Variants in TTLL11 observed in about 807,000 individuals in gnomAD.
The protein encoded by TTLL11 is tubulin tyrosine ligase like 11.
A neutral mutation model predicts 51.7 loss-of-function variants in TTLL11; 42 were observed. That is an observed-to-expected ratio of 0.81 (90% confidence interval 0.64 to 1.05). TTLL11 has a LOEUF of 1.05. TTLL11 is among the 50% of genes least tolerant of loss of function. The pLI is 0.00. For synonymous variants in TTLL11, 381 were observed against 383.5 expected, an observed-to-expected ratio of 0.99 and a Z score of 0.08; for missense variants, 799 against 940.4, an observed-to-expected ratio of 0.85 and a Z score of 1.97.
chr9:121,973,260 T>C (rs1453985682), intron 6 of TTLL11, among the ~76,000 whole-genome samples: 1 of 152,194 alleles, frequency 6.6e-6, no homozygotes, highest in African/African-American at 2.4e-5. Context: ...GTAAATATCA[T>C]AGAACTGTCA....
rs61742319 is a variant in TTLL11, at chr9:122,092,932, C to T, written c.217G>A (p.Ala73Thr). The stretch of plus-strand genomic sequence containing the variant: ...AGGACCTGGGTGTTCCCCTCCTCAG[C>T]CGCACTGGGCTGCGCCGGGGCCGGG... ...LAPAPAQPSAAEEGNTQVLQR... is the reference protein window; with the variant it reads ...LAPAPAQPSATEEGNTQVLQR... The change falls in exon 1 of 9, where the codon GCT becomes ACT. Residue 73 changes from alanine to threonine, a missense_variant. Transcript: ENST00000321582. 0.27 allele frequency: 425,494 copies of T among 1,578,282 alleles called. 59,724 individuals carry two copies. Among genetic ancestry groups the T allele is most frequent in the African/African-American group, 0.37 (27,595 of 73,882 alleles).
chr9:121,971,263 T>TGG (rs1170128943), intron 6 of TTLL11, among the ~76,000 whole-genome samples: 2 of 10,694 alleles, frequency 1.9e-4, no homozygotes, highest in Admixed American at 9.2e-4. Context: ...GGGAGGGAGG[T>TGG]GGGGGGGGGG....
At chr9:121,982,939 T>C (rs1420058145) in intron 4 of TTLL11, among the ~76,000 whole-genome samples, 1 of 152,058 alleles carries the variant, frequency 6.6e-6, no homozygotes, top group East Asian at 1.9e-4. Flanking sequence ...AAAAAGCCAT[T>C]GGAGGGTTTC....
chr9:122,003,588 G>T (rs1483114764), intron 3 of TTLL11, among the ~76,000 whole-genome samples: 3 of 148,560 alleles, frequency 2.0e-5, no homozygotes, highest in Non-Finnish European at 4.4e-5. Context: ...AGGTTCAAGC[G>T]ATTCTCCTTC....
At chr9:121,916,969 TTC>T (rs1165889797) in intron 6 of TTLL11, among the ~76,000 whole-genome samples, 2 of 152,152 alleles carry the variant, frequency 1.3e-5, no homozygotes, top group African/African-American at 4.8e-5. Context: ...ACATATTACA[TTC>T]TGTTTAGGTA....
chr9:121,847,207 CAAAAAAAA>C (rs56213031), intron 8 of TTLL11, among the ~76,000 whole-genome samples: 2 of 113,728 alleles, frequency 1.8e-5, no homozygotes, highest in African/African-American at 3.2e-5. Flanking sequence ...GACTCCGTCT[CAAAAAAAA>C]AAAAAAAAAA....
intron 6 of TTLL11, among the ~76,000 whole-genome samples, chr9:121,967,164 T>TGC (rs1295291535): frequency 6.6e-6 from 1 of 151,380 alleles, no homozygotes; most frequent in Non-Finnish European, 1.5e-5. Flanking sequence ...TCTATTGTCT[T>TGC]GCCAGGACAC....
chr9:122,019,216 A>C (rs956055494), intron 3 of TTLL11, among the ~76,000 whole-genome samples: 1 of 152,206 alleles, frequency 6.6e-6, no homozygotes, highest in Non-Finnish European at 1.5e-5. Context: ...TCTTCTGCCT[A>C]GATGAATAGA....
At chr9:122,019,128 A>G (rs1393568278) in intron 3 of TTLL11, among the ~76,000 whole-genome samples, 1 of 152,136 alleles carries the variant, frequency 6.6e-6, no homozygotes, top group Non-Finnish European at 1.5e-5. Context: ...ATTGATGCCA[A>G]CTTCCAAATA....
intron 8 of TTLL11, among the ~76,000 whole-genome samples, chr9:121,841,619 T>G (rs951940963): frequency 1.3e-5 from 2 of 152,092 alleles, no homozygotes; most frequent in African/African-American, 4.8e-5. Flanking sequence ...TGAGGACACA[T>G]CTTTGCCCTG....
intron 2 of TTLL11, among the ~76,000 whole-genome samples, chr9:122,036,849 C>T (rs1844717572): frequency 6.6e-6 from 1 of 152,196 alleles, no homozygotes; most frequent in Admixed American, 6.5e-5. Flanking sequence ...CTACCTTTCA[C>T]AGGGTAGAGG....
chr9:122,012,678 G>GCACACACA (rs375690929), intron 3 of TTLL11, among the ~76,000 whole-genome samples: 4 of 142,554 alleles, frequency 2.8e-5, no homozygotes, highest in Non-Finnish European at 6.2e-5. Context: ...ACACACACAC[G>GCACACACA]CACACACACA....
At chr9:121,987,692 T>C (rs2131688178) in intron 4 of TTLL11, among the ~76,000 whole-genome samples, 1 of 152,264 alleles carries the variant, frequency 6.6e-6, no homozygotes, top group South Asian at 2.1e-4. Context: ...AGGCACCTCA[T>C]CCTTGCCATT....
chr9:121,980,376 TA>T (rs1399643397), intron 4 of TTLL11, among the ~76,000 whole-genome samples: 5 of 152,194 alleles, frequency 3.3e-5, no homozygotes, highest in Non-Finnish European at 5.9e-5. Context: ...TCTTTCATAG[TA>T]AGGACTGAAA....
At chr9:122,073,190 A>C (rs931095785) in intron 1 of TTLL11, among the ~76,000 whole-genome samples, 2 of 152,178 alleles carry the variant, frequency 1.3e-5, no homozygotes, top group Non-Finnish European at 2.9e-5. Flanking sequence ...TAGGCGGATC[A>C]CTTGAGATCA....
intron 6 of TTLL11, among the ~76,000 whole-genome samples, chr9:121,937,658 G>C (rs528273340): frequency 5.6e-5 from 8 of 142,700 alleles, no homozygotes; most frequent in Non-Finnish European, 1.2e-4. Context: ...GCAAAATAAA[G>C]AGACTCTGTG....
At position 121,822,652 on chromosome 9, in the gene TTLL11, C is replaced by A. The variant is rs1428340065; in HGVS notation, c.2068G>T (p.Asp690Tyr). 6.6e-7 allele frequency: 1 copy of A among 1,526,270 alleles called. No homozygotes were observed. The highest frequency in any genetic ancestry group is 2.5e-5 in the East Asian group (1 of 40,672). 94.5% of individuals were successfully genotyped at this position (1,526,270 alleles called of 1,614,324 possible). ...EPSPSAQPAGDNPPPRTSCAN... is the reference protein window; with the variant it reads ...EPSPSAQPAGYNPPPRTSCAN... ...CAGCTGGTGCGGGGTGGGGGGTTGT[C>A]CCCTGCTGGCTGGGCCGAGGGGGAG... Residue 690 changes from aspartate (D) to tyrosine (Y), a missense_variant, in exon 9 of 9, where the codon GAC becomes TAC. Around this residue, in one of 3 missense-constraint regions of TTLL11, gnomAD observed 165 missense variants for 166.1 expected, o/e 0.99. Transcript: ENST00000321582. This position sits in a 1 kb window ranked among gnomAD's most constrained non-coding sequence, Gnocchi z 5.8.
chr9:121,863,493 T>C (rs900304555), intron 7 of TTLL11, among the ~76,000 whole-genome samples: 6 of 152,116 alleles, frequency 3.9e-5, no homozygotes, highest in Non-Finnish European at 1.5e-5. Flanking sequence ...AGGTAGAAAA[T>C]AGAAGTGTCA....
chr9:121,824,478 C>CA (rs35905457), intron 8 of TTLL11, among the ~76,000 whole-genome samples: 63,037 of 110,034 alleles, frequency 0.57, 16,943 homozygotes, highest in East Asian at 0.78. Context: ...GACTCCATCT[C>CA]AAAAAAAAAA....
Sources: gnomAD v4.1 joint callset for allele counts (sites outside exome capture counted in the v4.1 genomes callset) on GRCh38, gnomAD v4.1.1 for gene constraint, gnomAD v4.1.1 regional missense constraint, Gnocchi (gnomAD v3.1) non-coding constraint, MANE v1.5 for transcripts, NCBI Gene and HGNC (gene_info 2026-07-23, HGNC 2026-07-21) for gene names.